The following KCNH1 variants were observed in gnomAD, a reference collection of about 807,000 sequenced individuals.
KCNH1 encodes the protein voltage-gated delayed rectifier potassium channel KCNH1.
Under a neutral mutation model 69.2 loss-of-function variants are expected in KCNH1, and 27 were observed. The observed-to-expected ratio is 0.39, with a 90% confidence interval of 0.29 to 0.54. KCNH1 has a LOEUF of 0.54. Among genes scored for constraint, KCNH1 ranks in the 20% least tolerant of loss-of-function variants. KCNH1 has a pLI of 0.68. For synonymous variants in KCNH1, 456 were observed against 487.7 expected (o/e 0.93, Z 0.86); for missense variants, 798 against 1,261.6 (o/e 0.63, Z 5.57).
intron 4 of KCNH1, among the ~76,000 whole-genome samples, chr1:211,085,207 G>A (rs1690931396): frequency 2.0e-5 from 3 of 152,176 alleles, no homozygotes; most frequent in Admixed American, 2.0e-4. Context: ...ATATGCCCGT[G>A]AAGAACAAGA....
At chr1:210,718,689 C>CACACAT (rs1553337870) in intron 10 of KCNH1, among the ~76,000 whole-genome samples, 6 of 86,864 alleles carry the variant, frequency 6.9e-5, no homozygotes, top group African/African-American at 4.1e-4. Flanking sequence ...CACACACACA[C>CACACAT]ACATATATAT....
At chr1:210,846,899 C>T (rs942799859) in intron 7 of KCNH1, among the ~76,000 whole-genome samples, 22 of 152,094 alleles carry the variant, frequency 1.4e-4, no homozygotes, top group African/African-American at 5.1e-4. Context: ...ATCAAACAAC[C>T]CCATCAAAAA....
chr1:211,119,722 C>G (rs1300751179), intron 1 of KCNH1, among the ~76,000 whole-genome samples: 2 of 152,190 alleles, frequency 1.3e-5, no homozygotes, highest in Non-Finnish European at 2.9e-5. Context: ...GAAAATGACT[C>G]TTCTAAATTG....
chr1:211,110,534 G>A (rs767847726), intron 1 of KCNH1, among the ~76,000 whole-genome samples: 1 of 152,004 alleles, frequency 6.6e-6, no homozygotes, highest in African/African-American at 2.4e-5. Flanking sequence ...GTAGGAATAA[G>A]GTAAGCACCT....
chr1:211,125,018 C>G (rs534305574), intron 1 of KCNH1, among the ~76,000 whole-genome samples: 28 of 152,292 alleles, frequency 1.8e-4, no homozygotes, highest in Admixed American at 4.6e-4. Flanking sequence ...TGTGCAGTAC[C>G]CCAGGGTTAG....
chr1:210,694,072 T>A (rs999855940), intron 10 of KCNH1, among the ~76,000 whole-genome samples: 1 of 152,154 alleles, frequency 6.6e-6, no homozygotes, highest in Admixed American at 6.5e-5. Context: ...CCTACTTCCA[T>A]TAAAAGCTCC....
At chr1:210,810,066 C>T (rs1002404192) in intron 7 of KCNH1, among the ~76,000 whole-genome samples, 16 of 152,196 alleles carry the variant, frequency 1.1e-4, no homozygotes, top group Admixed American at 3.3e-4. Context: ...CCTTGGTTTA[C>T]CCCTTTCTCT....
At chr1:210,806,806 CCAAAAAAA>C (rs1308429781) in intron 7 of KCNH1, among the ~76,000 whole-genome samples, 1,056 of 86,218 alleles carry the variant, frequency 0.012, 149 homozygotes, top group Middle Eastern at 0.06. Context: ...CCCATCTCTA[CCAAAAAAA>C]AAAAAAAAAA....
At chr1:210,920,267 C>T (rs1216570384) in intron 6 of KCNH1, among the ~76,000 whole-genome samples, 198 bp from the exon 7 acceptor site, 1 of 152,096 alleles carries the variant, frequency 6.6e-6, no homozygotes, top group African/African-American at 2.4e-5. Flanking sequence ...TTTCTACTTC[C>T]ATTAAAAAGC....
rs999957707 is a variant in KCNH1, at chr1:210,880,970, T to C, written c.1462+38670A>G. On this transcript the variant is annotated intron_variant, in intron 7 of 10. Transcript: ENST00000271751. ...GATGGTAAGTAAGCATATAAAAAGA[T>C]ATTCCACATCATATACCATCAGGGA... Among the ~76,000 whole-genome samples, 6 of 151,992 alleles carry C rather than the reference T, an allele frequency of 3.9e-5. No homozygotes were observed. The East Asian group carries it at 5.8e-4, about 15-fold the overall frequency.
Position 210,678,400 on chromosome 1 carries a change from G to T in KCNH1, c.*4881C>A, listed in dbSNP as rs1681186213. The T allele has an allele frequency of 6.6e-6, 1 of 151,980 alleles. No individual in the cohort carries two copies. Among genetic ancestry groups the T allele is most frequent in the Admixed American group, 6.5e-5 (1 of 15,274 alleles). 9.4% of individuals were successfully genotyped at this position (151,980 alleles called of 1,614,324 possible). On this transcript the variant is annotated 3_prime_UTR_variant, in exon 11 of 11. Coordinates refer to ENST00000271751, the MANE Select transcript of KCNH1 (RefSeq NM_172362.3). ...TGTGCTTGTTTAAAAATGTTGAGAA[G>T]GGAATATCATCAATGGAAGGGCCTG...
chr1:210,755,122 G>C (rs900941911), intron 10 of KCNH1, among the ~76,000 whole-genome samples: 1 of 152,028 alleles, frequency 6.6e-6, no homozygotes, highest in Non-Finnish European at 1.5e-5. Context: ...AGCAGTCACC[G>C]ACAGTGGCAG....
At chr1:211,098,009 A>G (rs990631083) in intron 3 of KCNH1, among the ~76,000 whole-genome samples, 3 of 152,252 alleles carry the variant, frequency 2.0e-5, no homozygotes, top group African/African-American at 7.2e-5. Context: ...GACTTCATTA[A>G]TGACAACTGT....
intron 1 of KCNH1, among the ~76,000 whole-genome samples, chr1:211,121,998 C>T (rs934049242): frequency 6.6e-6 from 1 of 152,006 alleles, no homozygotes; most frequent in African/African-American, 2.4e-5. Context: ...ATTAGCTGGA[C>T]ACGGTGGCGG....
intron 6 of KCNH1, among the ~76,000 whole-genome samples, chr1:211,017,300 T>C (rs1002292382): frequency 1.3e-5 from 2 of 152,216 alleles, no homozygotes; most frequent in African/African-American, 2.4e-5. Flanking sequence ...ATTATGCCAC[T>C]AGTAAAACAT....
chr1:210,829,116 G>T (rs988825493), intron 7 of KCNH1, among the ~76,000 whole-genome samples: 1 of 152,156 alleles, frequency 6.6e-6, no homozygotes, highest in Non-Finnish European at 1.5e-5. Context: ...GACACACGGG[G>T]CACTCCAAGT....
chr1:210,954,036 A>C (rs567206380), intron 6 of KCNH1, among the ~76,000 whole-genome samples: 2 of 152,100 alleles, frequency 1.3e-5, no homozygotes, highest in African/African-American at 4.8e-5. Flanking sequence ...TCCAAATGCT[A>C]TCTCTCCCCC....
chr1:211,106,490 A>G (rs1691349926), intron 2 of KCNH1, among the ~76,000 whole-genome samples: 1 of 152,198 alleles, frequency 6.6e-6, no homozygotes, highest in South Asian at 2.1e-4. Flanking sequence ...CTGAAGTAAA[A>G]AACTTTGGCT....
intron 6 of KCNH1, among the ~76,000 whole-genome samples, chr1:210,965,307 A>G (rs1688378108): frequency 6.6e-6 from 1 of 152,198 alleles, no homozygotes; most frequent in African/African-American, 2.4e-5. Flanking sequence ...GAGGAAGTCA[A>G]ATTGTCCCTG....
Sources: allele counts gnomAD v4.1 joint callset (sites outside exome capture counted in the v4.1 genomes callset), GRCh38; gene constraint gnomAD v4.1.1; transcripts MANE v1.5; gene names NCBI Gene and HGNC (gene_info 2026-07-23, HGNC 2026-07-21).